PROS1: variants seen among roughly 807,000 people sequenced by gnomAD.
PROS1 encodes vitamin K-dependent protein S.
In PROS1, 29 loss-of-function variants were observed where a neutral mutation model predicts 75.9. The observed-to-expected ratio is 0.38, with a 90% confidence interval of 0.28 to 0.52. The LOEUF (loss-of-function observed/expected upper bound fraction) is 0.52. PROS1 is among the 20% of genes least tolerant of loss of function. The pLI, the probability that PROS1 is intolerant of heterozygous loss-of-function variation, is 0.83. For synonymous variants in PROS1, 245 were observed against 280.6 expected, an observed-to-expected ratio of 0.87 and a Z score of 1.27; for missense variants, 680 against 810.3, an observed-to-expected ratio of 0.84 and a Z score of 1.95.
At chr3:93,960,532 C>CCTTTT (rs1709690641) in intron 1 of PROS1, among the ~76,000 whole-genome samples, 3 of 50,118 alleles carry the variant, frequency 6.0e-5, no homozygotes, top group African/African-American at 2.8e-4. Context: ...CTCCATTGCT[C>CCTTTT]TTTTTTTTTT....
rs534222040 is a variant in PROS1 at position 93,904,141 on chromosome 3, G to A, written c.601+1643C>T. On this transcript the variant is annotated intron_variant, in intron 6 of 14. Transcript: ENST00000394236. ...TCATCCATGTCCCTACAAAGGACAT[G>A]AACTCATCATTTTTTATGGCTGCTT... Among the ~76,000 whole-genome samples the A allele has an allele frequency of 4.6e-5, 7 of 152,118 alleles. 1 individual carries two copies. The South Asian group carries it at 1.0e-3, about 23-fold the overall frequency.
Position 93,927,252 on chromosome 3 carries a change from T to C in PROS1, c.232A>G (p.Thr78Ala). The change falls in exon 2 of 15, where the codon ACG (threonine) becomes GCG (alanine). Residue 78 changes from threonine (T) to alanine (A), a missense_variant and splice_region_variant. Coordinates refer to ENST00000394236, the MANE Select transcript of PROS1 (RefSeq NM_000313.4). ...TGATAGTTTCCATAAATGCTTACCG[T>C]TTCCGGGTCATTTTCAAAGACCTCC... Reference protein sequence around the residue: ...AREVFENDPETDYFYPKYLVC... With the variant: ...AREVFENDPEADYFYPKYLVC... The C allele has an allele frequency of 6.2e-7, 1 of 1,612,332 alleles. No individual in the cohort carries two copies. The highest frequency in any genetic ancestry group is 8.5e-7 in the Non-Finnish European group (1 of 1,180,000).
chr3:93,886,217 G>T, intron 11 of PROS1, 119 bp downstream of exon 11: 1 of 817,850 alleles, frequency 1.2e-6, no homozygotes, highest in South Asian at 1.6e-5. Context: ...ATTTCAAGTT[G>T]TCACACTTAG....
intron 1 of PROS1, among the ~76,000 whole-genome samples, chr3:93,934,730 G>A (rs1576202576): frequency 1.3e-5 from 2 of 152,054 alleles, no homozygotes; most frequent in African/African-American, 4.8e-5. Context: ...TTAAGGATAG[G>A]GGAGTGTAGG....
At chr3:93,938,387 C>T (rs1391390592) in intron 1 of PROS1, among the ~76,000 whole-genome samples, 1 of 152,156 alleles carries the variant, frequency 6.6e-6, no homozygotes, top group East Asian at 1.9e-4. Flanking sequence ...GATTAAAAAG[C>T]TTTATTGCTC....
intron 6 of PROS1, among the ~76,000 whole-genome samples, chr3:93,905,154 T>A (rs1410729037): frequency 2.6e-5 from 4 of 152,204 alleles, no homozygotes; most frequent in Non-Finnish European, 5.9e-5. Flanking sequence ...AAAAATATAA[T>A]GTCTGAAAAC....
intron 9 of PROS1, among the ~76,000 whole-genome samples, chr3:93,894,986 G>T (rs1708480168): frequency 6.6e-6 from 1 of 152,046 alleles, no homozygotes; most frequent in African/African-American, 2.4e-5. Flanking sequence ...CCTGGAGATT[G>T]GCTCCAGGAC....
intron 7 of PROS1, among the ~76,000 whole-genome samples, chr3:93,899,839 A>G (rs1708560207): frequency 6.6e-6 from 1 of 152,190 alleles, no homozygotes; most frequent in African/African-American, 2.4e-5. Context: ...GGGGCTGATG[A>G]AAAAGTTTTG....
At chr3:93,936,029 T>C (rs979188790) in intron 1 of PROS1, among the ~76,000 whole-genome samples, 3 of 150,078 alleles carry the variant, frequency 2.0e-5, no homozygotes, top group African/African-American at 7.4e-5. Context: ...AGTAAAATGA[T>C]AAAATAAGCA....
intron 2 of PROS1, among the ~76,000 whole-genome samples, chr3:93,926,626 T>A (rs1173554935): frequency 6.6e-6 from 1 of 152,186 alleles, no homozygotes; most frequent in Admixed American, 6.5e-5. Flanking sequence ...AAAGAGACTT[T>A]GTTTCAAAAA....
intron 1 of PROS1, among the ~76,000 whole-genome samples, chr3:93,944,673 T>G (rs1393303342): frequency 5.3e-5 from 8 of 152,136 alleles, no homozygotes; most frequent in Non-Finnish European, 1.2e-4. Context: ...GGAGGGAAAT[T>G]TATAGCACTA....
intron 1 of PROS1, among the ~76,000 whole-genome samples, chr3:93,935,504 G>A (rs1709169098): frequency 1.3e-5 from 2 of 151,946 alleles, no homozygotes; most frequent in South Asian, 2.1e-4. Context: ...AAAGCAACAG[G>A]CAAAGTGTTC....
chr3:93,971,379 A>G, intron 1 of PROS1, among the ~76,000 whole-genome samples: 1 of 148,754 alleles, frequency 6.7e-6, no homozygotes, highest in East Asian at 1.9e-4. Flanking sequence ...AAATAAATAA[A>G]TAAATAAATA....
At chr3:93,898,637 G>A in intron 7 of PROS1, 68 bp from the exon 8 acceptor site, 2 of 1,554,156 alleles carry the variant, frequency 1.3e-6, no homozygotes, top group Non-Finnish European at 1.8e-6. Context: ...ATAGGCAGAG[G>A]AATATTATGA....
chr3:93,912,372 T>C lies in PROS1; in HGVS notation c.260-1667A>G, dbSNP rs567925137. Among the ~76,000 whole-genome samples the C allele has an allele frequency of 2.0e-5, 3 of 152,306 alleles. No individual in the cohort carries two copies. The South Asian group carries it at 6.2e-4, about 32-fold the overall frequency. On this transcript the variant is annotated intron_variant, in intron 3 of 14. Coordinates refer to ENST00000394236, the MANE Select transcript of PROS1 (RefSeq NM_000313.4). ...GATAATGTCTCCATGGAAAGATCTT[T>C]CATCACATCTGCAAAGTCTCCATTT...
At chr3:93,882,184 G>A (rs1299179791) in intron 12 of PROS1, among the ~76,000 whole-genome samples, 1 of 152,072 alleles carries the variant, frequency 6.6e-6, no homozygotes, top group Non-Finnish European at 1.5e-5. Flanking sequence ...AATATTAATT[G>A]ATAAAAGATT....
At chr3:93,925,747 G>A (rs566660158) in intron 2 of PROS1, among the ~76,000 whole-genome samples, 27 of 151,180 alleles carry the variant, frequency 1.8e-4, no homozygotes, top group African/African-American at 2.7e-4. Context: ...TTGCCTGAGC[G>A]GGGGGGTCAG....
chr3:93,899,162 A>T lies in PROS1; in HGVS notation c.728-593T>A, dbSNP rs536145829. The stretch of plus-strand genomic sequence containing the variant: ...GGGAAATATCTGTTTTTTTTTTTTT[A>T]AAAAACCTCACTGTGATGTAATCTC... On this transcript the variant is annotated intron_variant, in intron 7 of 14. Coordinates refer to ENST00000394236, the MANE Select transcript of PROS1 (RefSeq NM_000313.4). Among the ~76,000 whole-genome samples, 374 of 149,916 alleles carry T rather than the reference A, an allele frequency of 2.5e-3. 1 individual carries two copies. The highest frequency in any genetic ancestry group is 8.8e-3 in the East Asian group (45 of 5,112).
rs1022607408 is a variant in PROS1 at position 93,874,177 on chromosome 3, C to T, written c.*68G>A. 10 of 1,555,172 alleles carry T rather than the reference C, an allele frequency of 6.4e-6. No individual in the cohort carries two copies. Among genetic ancestry groups the T allele is most frequent in the Non-Finnish European group, 8.9e-6 (10 of 1,128,464 alleles). On this transcript the variant is annotated 3_prime_UTR_variant, in exon 15 of 15. Transcript: ENST00000394236. ...ACTGCACATTGTAAATAAAACCCTT[C>T]AGCTGTTATTGAAACATAAGTATAA... is the stretch of plus-strand genomic sequence containing the variant.
Sources: gnomAD v4.1 joint callset for allele counts (sites outside exome capture counted in the v4.1 genomes callset) on GRCh38, gnomAD v4.1.1 for gene constraint, MANE v1.5 for transcripts, NCBI Gene and HGNC (gene_info 2026-07-23, HGNC 2026-07-21) for gene names.